Variants in UTP18 observed in about 807,000 individuals in gnomAD.
UTP18 encodes the protein UTP18 small subunit processome component.
A neutral mutation model predicts 61.1 loss-of-function variants in UTP18; 36 were observed. That is an observed-to-expected ratio of 0.59 (90% CI 0.45 to 0.78). UTP18 has a LOEUF of 0.78. Among genes scored for constraint, UTP18 ranks in the 30% least tolerant of loss-of-function variants. The probability of loss-of-function intolerance (pLI) is 0.00; values close to 1 mark genes in which losing one functional copy is unlikely to be tolerated. For synonymous variants in UTP18, 282 were observed against 251.1 expected (o/e 1.12, Z -1.16); for missense variants, 753 against 693.9 (o/e 1.09, Z -0.96).
At position 51,285,276 on chromosome 17, in the gene UTP18, C is replaced by G. The variant is rs769381524; in HGVS notation, c.1236C>G (p.Asn412Lys). ...GDGEVYVWDV[N>K]SRKCLNRFVD... ...GAGAAGTTTATGTTTGGGATGTGAACTCAAGGAAGTGCCTTAACAGATTTG... is the reference window on the plus strand; with the variant it reads ...GAGAAGTTTATGTTTGGGATGTGAAGTCAAGGAAGTGCCTTAACAGATTTG... Residue 412 changes from asparagine (N) to lysine (K), a missense_variant, in exon 10 of 14, where the codon AAC (asparagine) becomes AAG (lysine). Transcript: ENST00000225298. 3.7e-6 allele frequency: 6 copies of G among 1,613,230 alleles called. No individual in the cohort carries two copies. Among genetic ancestry groups the G allele is most frequent in the Non-Finnish European group, 5.1e-6 (6 of 1,179,652 alleles).
intron 11 of UTP18, among the ~76,000 whole-genome samples, 181 bp downstream of exon 11, chr17:51,288,384 AT>A (rs914387874): frequency 6.6e-6 from 1 of 152,244 alleles, no homozygotes; most frequent in African/African-American, 2.4e-5. Context: ...TAGCCACCAC[AT>A]TTGATTATGT....
At chr17:51,264,586 A>G (rs2055540640) in intron 2 of UTP18, among the ~76,000 whole-genome samples, 1 of 126,304 alleles carries the variant, frequency 7.9e-6, no homozygotes, top group South Asian at 3.0e-4. Context: ...CTTAGACACA[A>G]TGGTTTATTT....
Position 51,280,421 on chromosome 17 carries a change from T to C in UTP18, c.1146T>C (p.Asn382=). ...AACTGATTGGAAGCATGAAAATTAA[T>C]GGAAGGGTTGCAGCATCCACATTCT... ...TKELIGSMKI[N]GRVAASTFSS... The change falls in exon 9 of 14, where the codon AAT becomes AAC. Residue 382 remains asparagine (N), a synonymous_variant. Transcript: ENST00000225298. The C allele has an allele frequency of 6.2e-7, 1 of 1,614,206 alleles. No individual in the cohort carries two copies. The highest frequency in any genetic ancestry group is 1.1e-5 in the South Asian group (1 of 91,082).
intron 2 of UTP18, 152 bp downstream of exon 2, chr17:51,263,538 C>A: frequency 1.5e-6 from 1 of 652,420 alleles, no homozygotes; most frequent in Non-Finnish European, 2.6e-6. Flanking sequence ...GTTCCTGATC[C>A]CACCACCGAG....
At chr17:51,275,721 GT>G (rs1019979391) in intron 5 of UTP18, 144 bp from the exon 6 acceptor site, 18,777 of 633,440 alleles carry the variant, frequency 0.03, no homozygotes, top group East Asian at 0.037. Flanking sequence ...TTTGTTTTTT[GT>G]TTTTTTTTTT....
At chr17:51,277,353 G>T in intron 7 of UTP18, 49 bp downstream of exon 7, 1 of 1,596,088 alleles carries the variant, frequency 6.3e-7, no homozygotes. Flanking sequence ...CCCAAGGTGA[G>T]TTTATGTAAC....
chr17:51,261,272 C>T (rs939342256), intron 1 of UTP18, among the ~76,000 whole-genome samples: 41 of 152,334 alleles, frequency 2.7e-4, no homozygotes, highest in Admixed American at 1.1e-3. Flanking sequence ...TGCCTCAGTT[C>T]CTTGTGATTC....
chr17:51,290,026 A>G (rs747476399), intron 11 of UTP18, among the ~76,000 whole-genome samples: 1 of 152,226 alleles, frequency 6.6e-6, no homozygotes, highest in Non-Finnish European at 1.5e-5. Context: ...ATGTAGGGCA[A>G]GGAGGAGGCT....
chr17:51,280,310 C>G, intron 8 of UTP18, 79 bp from the exon 9 acceptor site: 2 of 1,486,972 alleles, frequency 1.3e-6, no homozygotes, highest in Non-Finnish European at 1.8e-6. Flanking sequence ...AAATAGAGAA[C>G]TAGGTTGTTT....
intron 1 of UTP18, 39 bp downstream of exon 1, chr17:51,260,965 G>T: frequency 7.0e-7 from 1 of 1,429,820 alleles, no homozygotes; most frequent in Non-Finnish European, 9.1e-7. Flanking sequence ...GCGCACTCGG[G>T]CGGGGCGCGC....
intron 4 of UTP18, among the ~76,000 whole-genome samples, chr17:51,271,433 A>T (rs2144405218): frequency 6.6e-6 from 1 of 151,994 alleles, no homozygotes; most frequent in East Asian, 1.9e-4. Flanking sequence ...CAGCCTCTGG[A>T]GTAGCTAGGA....
intron 12 of UTP18, among the ~76,000 whole-genome samples, chr17:51,295,165 T>C (rs1422977655): frequency 6.6e-6 from 1 of 152,220 alleles, no homozygotes; most frequent in Non-Finnish European, 1.5e-5. Context: ...TTTACTCTGA[T>C]GGTAGTTTCT....
chr17:51,266,144 T>A lies in UTP18; in HGVS notation c.456-38T>A, dbSNP rs541804454. 1.5e-5 allele frequency: 22 copies of A among 1,491,150 alleles called. 1 individual carries two copies. In the East Asian group the frequency reaches 3.3e-4, roughly 22 times the overall value. The allele number at this position is 1,491,150 out of a possible 1,614,324, so 92.4% of individuals were successfully genotyped here. ...AGCAGCAGCTATTTATATTAACTCT[T>A]TAAAAGTTATTTAAAATATGCTGTT... is the stretch of plus-strand genomic sequence containing the variant. On this transcript the variant is annotated intron_variant, in intron 2 of 13. Transcript: ENST00000225298.
rs766908510 is a variant in UTP18 at position 51,288,182 on chromosome 17, A to G, written c.1482A>G (p.Lys494=). The G allele has an allele frequency of 6.3e-7, 1 of 1,591,134 alleles. No individual in the cohort carries two copies. The highest frequency in any genetic ancestry group is 2.2e-5 in the East Asian group (1 of 44,526). ...TTEILAIASE[K]MKEAVRLVHL... is the part of the protein sequence containing the mutation. ...AAATCTTGGCAATTGCTTCAGAAAA[A>G]ATGAAAGAAGCAGTCAGATTGGTAA... is the stretch of plus-strand genomic sequence containing the variant. The change falls in exon 11 of 14, where the codon AAA becomes AAG. Residue 494 remains lysine (K), a synonymous_variant. Coordinates refer to ENST00000225298, the MANE Select transcript of UTP18 (RefSeq NM_016001.3).
At chr17:51,266,081 TATA>T (rs2055557881) in intron 2 of UTP18, 98 bp from the exon 3 acceptor site, 1 of 825,912 alleles carries the variant, frequency 1.2e-6, no homozygotes, top group South Asian at 2.5e-5. Flanking sequence ...AATCTTGACC[TATA>T]TTGTTTCATT....
intron 3 of UTP18, 144 bp downstream of exon 3, chr17:51,266,424 T>C (rs888781348): frequency 2.5e-5 from 13 of 516,050 alleles, no homozygotes; most frequent in Non-Finnish European, 4.1e-5. Flanking sequence ...TTCTGTAGTT[T>C]TTTTTAGGGG....
At chr17:51,292,425 T>TA (rs1695058690) in intron 11 of UTP18, among the ~76,000 whole-genome samples, 1 of 152,272 alleles carries the variant, frequency 6.6e-6, no homozygotes, top group African/African-American at 2.4e-5. Flanking sequence ...AGATTCACTG[T>TA]AAACAGTATT....
chr17:51,262,478 T>G (rs1192932870), intron 1 of UTP18, among the ~76,000 whole-genome samples: 1 of 152,192 alleles, frequency 6.6e-6, no homozygotes, highest in Non-Finnish European at 1.5e-5. Flanking sequence ...TATTTAGAGA[T>G]ACGGTCTAAC....
Position 51,266,172 on chromosome 17 carries a change from G to A in UTP18, c.456-10G>A. 6.4e-7 allele frequency: 1 copy of A among 1,569,640 alleles called. No homozygotes were observed. Among genetic ancestry groups the A allele is most frequent in the Non-Finnish European group, 8.6e-7 (1 of 1,164,376 alleles). On this transcript the variant is annotated splice_polypyrimidine_tract_variant and intron_variant, in intron 2 of 13. Transcript: ENST00000225298. Reference sequence around the variant, plus strand: ...AAAGTTATTTAAAATATGCTGTTCTGTTTTTGTAGGGTTGACATGATGAAC... The same window carrying A: ...AAAGTTATTTAAAATATGCTGTTCTATTTTTGTAGGGTTGACATGATGAAC...
Sources: gnomAD v4.1 joint callset for allele counts (sites outside exome capture counted in the v4.1 genomes callset) on GRCh38, gnomAD v4.1.1 for gene constraint, MANE v1.5 for transcripts, NCBI Gene and HGNC (gene_info 2026-07-23, HGNC 2026-07-21) for gene names.